CECR2: variants seen among roughly 807,000 people sequenced by gnomAD.
CECR2 encodes the protein chromatin remodeling regulator CECR2.
CECR2 carries 30 observed loss-of-function variants against 154.5 expected under a neutral mutation model. The ratio of observed to expected loss-of-function variants is 0.19; its 90% CI spans 0.15 to 0.26. CECR2 has a LOEUF of 0.26. CECR2 is among the 10% of genes least tolerant of loss of function. CECR2 has a pLI of 1.00. For missense variants in CECR2, 1,743 were observed against 1,829.3 expected (o/e 0.95, Z 0.86); for synonymous variants, 725 against 683.7 (o/e 1.06, Z -0.94).
At chr22:17,513,471 C>T (rs2055997207) in intron 8 of CECR2, among the ~76,000 whole-genome samples, 1 of 152,228 alleles carries the variant, frequency 6.6e-6, no homozygotes, top group African/African-American at 2.4e-5. Flanking sequence ...TAAACACATT[C>T]TACCTTGAGC....
intron 8 of CECR2, among the ~76,000 whole-genome samples, chr22:17,523,013 A>AGG (rs2056185375): frequency 3.4e-5 from 4 of 117,964 alleles, no homozygotes; most frequent in South Asian, 2.4e-4. Flanking sequence ...TCGGGGGGAA[A>AGG]AAAAAAAGCC....
chr22:17,415,668 C>G (rs2054147040), intron 1 of CECR2, among the ~76,000 whole-genome samples: 1 of 152,144 alleles, frequency 6.6e-6, no homozygotes, highest in South Asian at 2.1e-4. Context: ...AAACCTGGGC[C>G]TGGGTGGATC....
At chr22:17,379,033 T>C (rs1211875473) in intron 1 of CECR2, among the ~76,000 whole-genome samples, 1 of 152,136 alleles carries the variant, frequency 6.6e-6, no homozygotes, top group Non-Finnish European at 1.5e-5. Flanking sequence ...CTCGGCTCAC[T>C]GCAATGTCTG....
intron 16 of CECR2, among the ~76,000 whole-genome samples, chr22:17,544,809 CAAAAAAAAA>C (rs67994839): frequency 3.1e-4 from 14 of 45,618 alleles, no homozygotes; most frequent in Non-Finnish European, 3.8e-4. Flanking sequence ...GACTCTGTCT[CAAAAAAAAA>C]AAAAAAAAAA....
chr22:17,381,911 G>T (rs1601253275), intron 1 of CECR2, among the ~76,000 whole-genome samples: 1 of 150,352 alleles, frequency 6.7e-6, no homozygotes, highest in South Asian at 2.1e-4. Context: ...TTTTTGAGAC[G>T]GAGTCTCACT....
chr22:17,537,312 C>T (rs2056452307), intron 10 of CECR2, 80 bp downstream of exon 10: 2 of 1,521,508 alleles, frequency 1.3e-6, no homozygotes, highest in Admixed American at 1.7e-5. Context: ...CCCATGTCAT[C>T]CTTAGAACAG....
intron 2 of CECR2, among the ~76,000 whole-genome samples, chr22:17,484,856 C>T (rs2055392642): frequency 6.6e-6 from 1 of 152,186 alleles, no homozygotes; most frequent in Non-Finnish European, 1.5e-5. Context: ...CCAGCCTCTG[C>T]GACAGAGCGA....
intron 1 of CECR2, among the ~76,000 whole-genome samples, chr22:17,370,387 T>C (rs1190427830): frequency 1.4e-5 from 2 of 147,986 alleles, no homozygotes; most frequent in African/African-American, 5.0e-5. Flanking sequence ...CGGGGAGGGC[T>C]AGCCCCGCTC....
In CECR2 at chr22:17,548,484, C is replaced by T. The variant is rs750370962; in HGVS notation, c.3197C>T (p.Ser1066Leu). The T allele has an allele frequency of 8.7e-6, 14 of 1,613,756 alleles. No individual in the cohort carries two copies. Among genetic ancestry groups the T allele is most frequent in the Admixed American group, 3.3e-5 (2 of 59,990 alleles). The change falls in exon 17 of 19, where the codon TCG becomes TTG. Residue 1066 changes from serine (S) to leucine (L), a missense_variant. Coordinates refer to ENST00000262608, the MANE Select transcript of CECR2 (RefSeq NM_001290047.2). ...ATTGGGGAAGCATCTCCTTGTGGAT[C>T]GGAGGGGAAGGGCCTTGGTAGCAGT... is the stretch of plus-strand genomic sequence containing the variant. ...GVIGEASPCGSEGKGLGSSGS... is the reference protein window; with the variant it reads ...GVIGEASPCGLEGKGLGSSGS...
At chr22:17,379,566 G>A (rs187420263) in intron 1 of CECR2, among the ~76,000 whole-genome samples, 589 of 150,056 alleles carry the variant, frequency 3.9e-3, no homozygotes, top group Non-Finnish European at 6.4e-3. Flanking sequence ...AAAGTTCAGT[G>A]GGACCTACGT....
At chr22:17,383,080 G>A (rs1366456664) in intron 1 of CECR2, among the ~76,000 whole-genome samples, 1 of 152,062 alleles carries the variant, frequency 6.6e-6, no homozygotes, top group Admixed American at 6.6e-5. Context: ...ACAAAAATTA[G>A]CCGGGCACGG....
rs143625779 is a variant in CECR2 at position 17,531,706 on chromosome 22, C to A, written c.1109-5397C>A. 1.1e-3 allele frequency among the ~76,000 whole-genome samples: 162 copies of A among 152,236 alleles called. 3 individuals are homozygous for A. Among genetic ancestry groups the A allele is most frequent in the African/African-American group, 3.7e-3 (152 of 41,520 alleles). Reference sequence around the variant, plus strand: ...GATGAAAAACCCTGATCCTCAGATACAGAAAGCAAGAAGAGATATAAACTG... The same window carrying A: ...GATGAAAAACCCTGATCCTCAGATAAAGAAAGCAAGAAGAGATATAAACTG... On this transcript the variant is annotated intron_variant, in intron 9 of 18. Coordinates refer to ENST00000262608, the MANE Select transcript of CECR2 (RefSeq NM_001290047.2).
In CECR2 at chr22:17,552,881, A is replaced by G. The variant is rs747376268; in HGVS notation, c.*41A>G. 2 of 1,548,862 alleles carry G rather than the reference A, an allele frequency of 1.3e-6. No homozygotes were observed. The highest frequency in any genetic ancestry group is 2.4e-5 in the South Asian group (2 of 83,748). On this transcript the variant is annotated 3_prime_UTR_variant, in exon 19 of 19. Transcript: ENST00000262608. Reference sequence around the variant, plus strand: ...AGCCCCAAGCAATGGAAAGCTGCACACGAAGACTGGAATGTGGAGAACTGG... The same window carrying G: ...AGCCCCAAGCAATGGAAAGCTGCACGCGAAGACTGGAATGTGGAGAACTGG...
In CECR2 at chr22:17,414,835, T is replaced by C. The variant is rs192725584; in HGVS notation, c.126+44926T>C. On this transcript the variant is annotated intron_variant, in intron 1 of 18. Transcript: ENST00000262608. ...GGCAGTGGGAGTGGATTATAGCTAG[T>C]ACCCCCCAGAGCCTGTGTGTGATTT... Among the ~76,000 whole-genome samples the C allele has an allele frequency of 8.5e-5, 13 of 152,264 alleles. No homozygotes were observed. In the East Asian group the frequency reaches 9.6e-4, roughly 11 times the overall value.
At position 17,383,882 on chromosome 22, in the gene CECR2, A is replaced by G. The variant is rs192695423; in HGVS notation, c.126+13973A>G. 3.6e-3 allele frequency among the ~76,000 whole-genome samples: 543 copies of G among 152,180 alleles called. 4 individuals carry two copies. The highest frequency in any genetic ancestry group is 0.01 in the Middle Eastern group (3 of 294). On this transcript the variant is annotated intron_variant, in intron 1 of 18. Transcript: ENST00000262608. Reference sequence around the variant, plus strand: ...TAGACAGGGTTTCACTATGTTGGCCAGGCTGGTCTCAGACTCCTGACCTCA... The same window carrying G: ...TAGACAGGGTTTCACTATGTTGGCCGGGCTGGTCTCAGACTCCTGACCTCA...
At chr22:17,398,277 G>A (rs1176676094) in intron 1 of CECR2, among the ~76,000 whole-genome samples, 1 of 151,924 alleles carries the variant, frequency 6.6e-6, no homozygotes, top group Non-Finnish European at 1.5e-5. Context: ...CTGGACTGCC[G>A]GCCTGGTATG....
At chr22:17,456,972 G>C (rs2054863577) in intron 1 of CECR2, among the ~76,000 whole-genome samples, 1 of 152,198 alleles carries the variant, frequency 6.6e-6, no homozygotes, top group South Asian at 2.1e-4. Flanking sequence ...TCTAATCCTT[G>C]TTAATCTCAT....
intron 1 of CECR2, among the ~76,000 whole-genome samples, chr22:17,389,880 G>A (rs1173131230): frequency 1.3e-5 from 2 of 152,020 alleles, no homozygotes; most frequent in Non-Finnish European, 2.9e-5. Context: ...CGCCCACCTC[G>A]GCGTCCCAAA....
At chr22:17,494,918 C>T (rs1324853736) in intron 2 of CECR2, among the ~76,000 whole-genome samples, 5 of 151,832 alleles carry the variant, frequency 3.3e-5, no homozygotes, top group African/African-American at 1.2e-4. Flanking sequence ...TGGTCTCAAA[C>T]TCCTGACCTC....
Sources: allele counts gnomAD v4.1 joint callset (sites outside exome capture counted in the v4.1 genomes callset), GRCh38; gene constraint gnomAD v4.1.1; transcripts MANE v1.5; gene names NCBI Gene and HGNC (gene_info 2026-07-23, HGNC 2026-07-21).